The following CCDC178 variants were observed in gnomAD, a reference collection of about 807,000 sequenced individuals.
The protein encoded by CCDC178 is coiled-coil domain-containing protein 178.
In CCDC178, 126 loss-of-function variants were observed where a neutral mutation model predicts 117.4. That is an observed-to-expected ratio of 1.07 (90% CI 0.93 to 1.24). CCDC178 has a LOEUF of 1.24. Among genes scored for constraint, CCDC178 ranks in the 50% most tolerant of loss-of-function variants. The pLI, the probability that CCDC178 is intolerant of heterozygous loss-of-function variation, is 0.00. For missense variants in CCDC178, 1,030 were observed against 986.9 expected, an observed-to-expected ratio of 1.04 and a Z score of -0.59; for synonymous variants, 283 against 313.4, an observed-to-expected ratio of 0.90 and a Z score of 1.02.
At chr18:33,058,096 C>T (rs1382321760) in intron 21 of CCDC178, among the ~76,000 whole-genome samples, 2 of 151,974 alleles carry the variant, frequency 1.3e-5, no homozygotes, top group Non-Finnish European at 2.9e-5. Flanking sequence ...AAGAGTTCAT[C>T]AAAAGGTAAA....
intron 10 of CCDC178, among the ~76,000 whole-genome samples, chr18:33,324,636 T>C (rs1261785288): frequency 6.6e-6 from 1 of 151,834 alleles, no homozygotes; most frequent in South Asian, 2.1e-4. Context: ...CAAAAGGTTA[T>C]TGTGTACATT....
At chr18:33,170,497 T>C (rs549590853) in intron 20 of CCDC178, among the ~76,000 whole-genome samples, 1 of 152,258 alleles carries the variant, frequency 6.6e-6, no homozygotes, top group African/African-American at 2.4e-5. Flanking sequence ...AATATGTAAC[T>C]ACAGCTTTTG....
chr18:33,384,558 T>G lies in CCDC178; in HGVS notation c.208+4982A>C, dbSNP rs528584235. Among the ~76,000 whole-genome samples the G allele has an allele frequency of 3.9e-5, 6 of 152,214 alleles. No homozygotes were observed. In the South Asian group the frequency reaches 1.2e-3, roughly 32 times the overall value. ...GCCAGAAGAGATTGGGGGCCAACAT[T>G]CAACATTCTGAAAGAGAAGAAATTC... On this transcript the variant is annotated intron_variant, in intron 5 of 22. Transcript: ENST00000383096.
intron 20 of CCDC178, among the ~76,000 whole-genome samples, chr18:33,100,735 T>C (rs1480830015): frequency 6.6e-6 from 1 of 151,964 alleles, no homozygotes; most frequent in African/African-American, 2.4e-5. Flanking sequence ...GAAAGAAACA[T>C]TTGTCTCCAT....
chr18:33,358,104 T>C (rs946983642), intron 6 of CCDC178, among the ~76,000 whole-genome samples: 2 of 152,000 alleles, frequency 1.3e-5, no homozygotes, highest in Non-Finnish European at 2.9e-5. Flanking sequence ...CACAATGTAT[T>C]TGTGTATCTA....
At chr18:33,421,876 T>G (rs2064031613) in intron 2 of CCDC178, among the ~76,000 whole-genome samples, 1 of 152,222 alleles carries the variant, frequency 6.6e-6, no homozygotes, top group Admixed American at 6.5e-5. Flanking sequence ...ACACATCAAT[T>G]GTTTCAAAAC....
intron 3 of CCDC178, among the ~76,000 whole-genome samples, chr18:33,402,608 G>A (rs1017689654): frequency 7.9e-5 from 12 of 152,202 alleles, no homozygotes; most frequent in Non-Finnish European, 1.6e-4. Flanking sequence ...AAAGGAATTA[G>A]CATCTATCAA....
At chr18:33,153,169 T>G (rs917534181) in intron 20 of CCDC178, among the ~76,000 whole-genome samples, 2 of 148,202 alleles carry the variant, frequency 1.3e-5, no homozygotes, top group Non-Finnish European at 3.0e-5. Flanking sequence ...ATATATTATA[T>G]ATTATATATA....
At chr18:33,330,554 G>A (rs1300829206) in intron 10 of CCDC178, among the ~76,000 whole-genome samples, 1 of 152,092 alleles carries the variant, frequency 6.6e-6, no homozygotes, top group African/African-American at 2.4e-5. Flanking sequence ...AATAAAAGAA[G>A]GGCAGTCATT....
At chr18:33,010,250 G>T (rs1257529502) in intron 21 of CCDC178, among the ~76,000 whole-genome samples, 1 of 151,872 alleles carries the variant, frequency 6.6e-6, no homozygotes, top group Non-Finnish European at 1.5e-5. Flanking sequence ...TTCATAATGG[G>T]CTACTGATCA....
At chr18:33,110,989 C>T (rs144242450) in intron 20 of CCDC178, among the ~76,000 whole-genome samples, 13 of 151,606 alleles carry the variant, frequency 8.6e-5, no homozygotes, top group African/African-American at 2.7e-4. Context: ...GGAGAGAATG[C>T]ACATCTTCAA....
chr18:33,320,776 T>C (rs1216149566), intron 11 of CCDC178, among the ~76,000 whole-genome samples: 2 of 152,078 alleles, frequency 1.3e-5, no homozygotes. Flanking sequence ...GAGCCTGCAT[T>C]GCCAAGTCAA....
At chr18:33,424,390 TG>T (rs2064083911) in intron 2 of CCDC178, among the ~76,000 whole-genome samples, 1 of 152,232 alleles carries the variant, frequency 6.6e-6, no homozygotes, top group African/African-American at 2.4e-5. Flanking sequence ...GTAAGGTACG[TG>T]GATGTGCCTT....
At chr18:33,183,729 C>T (rs2058757736) in intron 20 of CCDC178, among the ~76,000 whole-genome samples, 1 of 151,998 alleles carries the variant, frequency 6.6e-6, no homozygotes, top group Non-Finnish European at 1.5e-5. Flanking sequence ...TCCCCCCACA[C>T]AGAAGCCAAG....
intron 2 of CCDC178, among the ~76,000 whole-genome samples, chr18:33,436,547 T>C (rs1027775389): frequency 2.6e-5 from 4 of 152,210 alleles, no homozygotes; most frequent in South Asian, 2.1e-4. Context: ...TTAGCCAGTT[T>C]GGATTGATTG....
intron 20 of CCDC178, among the ~76,000 whole-genome samples, chr18:33,106,488 C>A (rs188917662): frequency 6.6e-6 from 1 of 151,574 alleles, no homozygotes; most frequent in Admixed American, 6.6e-5. Context: ...TTGAACATTC[C>A]GAAATTGACA....
At chr18:33,156,664 GAAAAT>G in intron 20 of CCDC178, among the ~76,000 whole-genome samples, 1 of 124,046 alleles carries the variant, frequency 8.1e-6, no homozygotes, top group South Asian at 2.6e-4. Flanking sequence ...AAAAAAAAGA[GAAAAT>G]AAAAGCAAAA....
At chr18:33,187,971 T>C (rs1441666794) in intron 20 of CCDC178, among the ~76,000 whole-genome samples, 1 of 152,136 alleles carries the variant, frequency 6.6e-6, no homozygotes, top group Non-Finnish European at 1.5e-5. Context: ...CACCAAGGCT[T>C]TGCAAAATAC....
At chr18:33,081,175 T>C (rs1331426435) in intron 21 of CCDC178, among the ~76,000 whole-genome samples, 2 of 152,128 alleles carry the variant, frequency 1.3e-5, no homozygotes, top group African/African-American at 4.8e-5. Context: ...GTGTCTGAGG[T>C]TTTACTGACA....
Sources: allele counts gnomAD v4.1 joint callset (sites outside exome capture counted in the v4.1 genomes callset), GRCh38; gene constraint gnomAD v4.1.1; transcripts MANE v1.5; gene names NCBI Gene and HGNC (gene_info 2026-07-23, HGNC 2026-07-21).